The following CAPRIN2 variants were observed in gnomAD, a reference collection of about 807,000 sequenced individuals.
CAPRIN2 encodes the protein caprin family member 2.
CAPRIN2 carries 66 observed loss-of-function variants against 130.4 expected under a neutral mutation model. That is an observed-to-expected ratio of 0.51 (90% CI 0.42 to 0.62). The LOEUF (loss-of-function observed/expected upper bound fraction) is 0.62, where lower values mean the gene tolerates loss of function less well. Ranked by LOEUF, CAPRIN2 falls within the 20% of genes least tolerant of loss-of-function variation. CAPRIN2 has a pLI of 0.00. For missense variants in CAPRIN2, 1,185 were observed against 1,246.6 expected, an observed-to-expected ratio of 0.95 and a Z score of 0.74; for synonymous variants, 471 against 444.1, an observed-to-expected ratio of 1.06 and a Z score of -0.76.
intron 2 of CAPRIN2, among the ~76,000 whole-genome samples, chr12:30,745,376 C>T (rs961982568): frequency 7.9e-5 from 12 of 152,140 alleles, no homozygotes; most frequent in African/African-American, 2.9e-4. Flanking sequence ...AGTGACTCCA[C>T]AAACAACTTC....
intron 13 of CAPRIN2, chr12:30,715,450 G>A (rs1427882157): frequency 2.3e-5 from 11 of 474,882 alleles, no homozygotes; most frequent in Non-Finnish European, 4.6e-5. Context: ...CTTATATGAG[G>A]TACCTAGAGC....
At chr12:30,734,880 ACACACACTCT>A (rs769313991) in intron 4 of CAPRIN2, 78 bp downstream of exon 5, 89 of 732,082 alleles carry the variant, frequency 1.2e-4, no homozygotes, top group Middle Eastern at 2.6e-4. Context: ...ACACACACAC[ACACACACTCT>A]CTCTCTCACA....
intron 2 of CAPRIN2, 116 bp from the exon 4 acceptor site, chr12:30,741,222 C>T: frequency 2.0e-6 from 1 of 496,536 alleles, no homozygotes; most frequent in Non-Finnish European, 3.4e-6. Context: ...ATTTACTATA[C>T]ATACACAAAA....
At chr12:30,745,618 TATCAA>T (rs1236349870) in intron 2 of CAPRIN2, among the ~76,000 whole-genome samples, 1 of 152,104 alleles carries the variant, frequency 6.6e-6, no homozygotes, top group East Asian at 1.9e-4. Flanking sequence ...GAAAATACAA[TATCAA>T]ATCAAATACA....
chr12:30,714,959 C>G, exon 14 of CAPRIN2: 3 of 1,612,334 alleles, frequency 1.9e-6, no homozygotes, highest in Non-Finnish European at 2.5e-6. Flanking sequence ...CAGGGCATAC[C>G]TTTATAACCA....
chr12:30,753,417 TG>T lies in CAPRIN2; in HGVS notation c.346del (p.Gln116LysfsTer35). The stretch of plus-strand genomic sequence containing the variant: ...ATTTTCAATATAGGTCTCATACGCT[TG>T]GGAAGGAGATGCAGCAGAACTCAGA... On this transcript the variant is annotated frameshift_variant, in exon 1 of 17. Coordinates refer to ENST00000298892, the Ensembl canonical transcript of CAPRIN2. LOFTEE classifies it high-confidence loss of function. The T allele has an allele frequency of 1.9e-6, 3 of 1,614,010 alleles. No homozygotes were observed. The highest frequency in any genetic ancestry group is 2.5e-6 in the Non-Finnish European group (3 of 1,180,002).
chr12:30,751,154 T>A, intron 1 of CAPRIN2, 21 bp from the exon 3 acceptor site: 1 of 1,590,520 alleles, frequency 6.3e-7, no homozygotes, highest in Non-Finnish European at 8.6e-7. Context: ...GAAACTTGTA[T>A]CTACCATAGT....
chr12:30,722,956 T>G (rs776011462), intron 11 of CAPRIN2, among the ~76,000 whole-genome samples: 6 of 152,130 alleles, frequency 3.9e-5, no homozygotes, highest in Non-Finnish European at 8.8e-5. Context: ...CTTTACTATG[T>G]TAATAAACTA....
In CAPRIN2 at chr12:30,739,429, A is replaced by T. The variant is rs146023973; in HGVS notation, c.570+1591T>A. On this transcript the variant is annotated intron_variant, in intron 3 of 16. Transcript: ENST00000298892. The stretch of plus-strand genomic sequence containing the variant: ...GGGTGGAGGTAAGAGGAGGGATAGG[A>T]TTAGAAAAAATAACTATTAGGTACA... 7.6e-3 allele frequency among the ~76,000 whole-genome samples: 1,154 copies of T among 152,330 alleles called. 11 individuals are homozygous for T. The highest frequency in any genetic ancestry group is 0.012 in the Non-Finnish European group (800 of 68,032).
At chr12:30,711,440 C>G (rs2054540554) in intron 16 of CAPRIN2, 126 bp downstream of exon 18, 1 of 747,836 alleles carries the variant, frequency 1.3e-6, no homozygotes, top group Non-Finnish European at 2.3e-6. Context: ...TACATTCAAG[C>G]AAATTGAAAA....
chr12:30,737,874 C>T (rs577437429), intron 3 of CAPRIN2, among the ~76,000 whole-genome samples: 3 of 152,024 alleles, frequency 2.0e-5, no homozygotes, highest in South Asian at 2.1e-4. Context: ...TGGGATCACA[C>T]ACGTGAGCCA....
intron 5 of CAPRIN2, 65 bp downstream of exon 6, chr12:30,733,564 C>T (rs2063450943): frequency 1.9e-6 from 2 of 1,062,968 alleles, no homozygotes; most frequent in East Asian, 2.4e-5. Flanking sequence ...CCCTCAATAT[C>T]ATACTAAACT....
At chr12:30,724,328 A>G in intron 10 of CAPRIN2, 42 bp downstream of exon 11, 1 of 1,148,826 alleles carries the variant, frequency 8.7e-7, no homozygotes, top group South Asian at 1.3e-5. Context: ...AATAGCTGTT[A>G]GCTCAAGACG....
At chr12:30,727,557 T>C (rs1481165260) in intron 8 of CAPRIN2, among the ~76,000 whole-genome samples, 1 of 152,098 alleles carries the variant, frequency 6.6e-6, no homozygotes, top group African/African-American at 2.4e-5. Flanking sequence ...TCTCAGCAAA[T>C]GAGGTGGTAA....
chr12:30,730,726 T>C (rs931726452), intron 6 of CAPRIN2, among the ~76,000 whole-genome samples: 8 of 152,264 alleles, frequency 5.3e-5, no homozygotes, highest in African/African-American at 1.9e-4. Flanking sequence ...GCACTGCACT[T>C]AGTATTAAGA....
chr12:30,720,804 C>A lies in CAPRIN2; in HGVS notation c.2148+7G>T. ...TACAAAAGAAATTAAGACAATTGGT[C>A]TTTTACCTCAGGAGTCTCTGAGGTC... On this transcript the variant is annotated splice_region_variant and intron_variant, in intron 12 of 16. Transcript: ENST00000298892. 6.5e-7 allele frequency: 1 copy of A among 1,539,182 alleles called. No homozygotes were observed. Among genetic ancestry groups the A allele is most frequent in the South Asian group, 1.1e-5 (1 of 89,400 alleles).
chr12:30,734,849 A>AACACACACACACACACAC, intron 4 of CAPRIN2, 119 bp downstream of exon 5: 1 of 625,956 alleles, frequency 1.6e-6, no homozygotes, highest in Non-Finnish European at 2.9e-6. Flanking sequence ...CCCCCTCTCT[A>AACACACACACACACACAC]ACACACACAC....
At chr12:30,729,077 A>G (rs2061786427) in exon 8 of CAPRIN2, 1 of 1,614,024 alleles carries the variant, frequency 6.2e-7, no homozygotes, top group African/African-American at 1.3e-5. Flanking sequence ...CCGGCAGAGT[A>G]GACCTGAGTT....
rs535539157 is a variant in CAPRIN2, at chr12:30,747,917, A to G, written c.483+3154T>C. Among the ~76,000 whole-genome samples the G allele has an allele frequency of 7.0e-4, 106 of 152,342 alleles. 2 individuals carry two copies. In the South Asian group the frequency reaches 0.022, roughly 31 times the overall value. ...TGACTCTGAGGGGGTTCAGAACTTC[A>G]GCAGAGGAAGTAACTGCAGATGTGG... On this transcript the variant is annotated intron_variant, in intron 2 of 16. Coordinates refer to ENST00000298892, the Ensembl canonical transcript of CAPRIN2.
Sources: gnomAD v4.1 joint callset for allele counts (sites outside exome capture counted in the v4.1 genomes callset) on GRCh38, gnomAD v4.1.1 for gene constraint, MANE v1.5 for transcripts, NCBI Gene and HGNC (gene_info 2026-07-23, HGNC 2026-07-21) for gene names.